Variants in SETBP1 observed in about 807,000 individuals in gnomAD.
SETBP1 encodes the protein SET binding protein 1, also known as SET-binding protein.
A neutral mutation model predicts 101.0 loss-of-function variants in SETBP1; 9 were observed. The ratio of observed to expected loss-of-function variants is 0.09; its 90% confidence interval spans 0.05 to 0.16. The LOEUF (loss-of-function observed/expected upper bound fraction) is 0.16, where lower values mean the gene tolerates loss of function less well. Among genes scored for constraint, SETBP1 ranks in the 10% least tolerant of loss-of-function variants. The pLI, the probability that SETBP1 is intolerant of heterozygous loss-of-function variation, is 1.00. For missense variants in SETBP1, 1,858 were observed against 2,033.8 expected (o/e 0.91, Z 1.66); for synonymous variants, 818 against 788.5 (o/e 1.04, Z -0.63).
chr18:44,738,467 T>G (rs1053427165), intron 2 of SETBP1, among the ~76,000 whole-genome samples: 12 of 152,178 alleles, frequency 7.9e-5, no homozygotes, highest in African/African-American at 2.9e-4. Flanking sequence ...TTCCATAAAT[T>G]TATTTGCAGC....
At chr18:44,846,259 G>T (rs16978202) in intron 2 of SETBP1, among the ~76,000 whole-genome samples, 8,086 of 152,166 alleles carry the variant, frequency 0.053, 707 homozygotes, top group African/African-American at 0.18. Context: ...TGCTCCCATA[G>T]TATCTTTTCT....
intron 5 of SETBP1, among the ~76,000 whole-genome samples, chr18:45,051,495 T>A (rs1401577156): frequency 1.3e-5 from 2 of 152,164 alleles, no homozygotes; most frequent in East Asian, 3.9e-4. Context: ...AGGCTATACA[T>A]GTGCTGGGGC....
intron 4 of SETBP1, among the ~76,000 whole-genome samples, chr18:44,963,595 ATGCTACG>A (rs925881486): frequency 6.6e-6 from 1 of 152,180 alleles, no homozygotes; most frequent in Admixed American, 6.5e-5. Context: ...CATTTTAAAA[ATGCTACG>A]TGCTGACTGG....
At chr18:44,689,774 T>C (rs2068898985) in intron 1 of SETBP1, among the ~76,000 whole-genome samples, 1 of 152,158 alleles carries the variant, frequency 6.6e-6, no homozygotes, top group South Asian at 2.1e-4. Context: ...ATCATCCATT[T>C]GGGAATGTAG....
At chr18:44,694,662 A>AC (rs2068985977) in intron 1 of SETBP1, among the ~76,000 whole-genome samples, 1 of 152,308 alleles carries the variant, frequency 6.6e-6, no homozygotes, top group Admixed American at 6.5e-5. Context: ...TAAGAGGAGT[A>AC]GCTCGAAGAG....
At chr18:44,934,403 C>T (rs1321908177) in intron 3 of SETBP1, among the ~76,000 whole-genome samples, 2 of 152,246 alleles carry the variant, frequency 1.3e-5, no homozygotes, top group Admixed American at 6.5e-5. Context: ...CCCTCCTCGG[C>T]CTCCCGAAGT....
intron 5 of SETBP1, among the ~76,000 whole-genome samples, chr18:45,043,381 TCA>T (rs765515143): frequency 3.4e-5 from 5 of 146,250 alleles, no homozygotes; most frequent in East Asian, 2.0e-4. Flanking sequence ...ACTCACACAC[TCA>T]CACACACACA....
chr18:44,914,415 A>T (rs1322350753), intron 3 of SETBP1, among the ~76,000 whole-genome samples: 3 of 152,226 alleles, frequency 2.0e-5, no homozygotes, highest in Admixed American at 6.6e-5. Context: ...TGCCATGTCA[A>T]CATCAAAGAT....
At chr18:44,744,947 G>A (rs773492841) in intron 2 of SETBP1, among the ~76,000 whole-genome samples, 20 of 152,108 alleles carry the variant, frequency 1.3e-4, no homozygotes, top group Non-Finnish European at 2.4e-4. Context: ...GTGTGGACGT[G>A]GGGCTCCTGA....
chr18:45,040,557 G>A (rs536512994), intron 5 of SETBP1, among the ~76,000 whole-genome samples: 8 of 152,184 alleles, frequency 5.3e-5, no homozygotes, highest in South Asian at 2.1e-4. Flanking sequence ...CACCTTTGCC[G>A]GCCATGCACA....
intron 3 of SETBP1, among the ~76,000 whole-genome samples, chr18:44,898,678 G>A (rs1568206824): frequency 6.6e-6 from 1 of 152,140 alleles, no homozygotes; most frequent in Non-Finnish European, 1.5e-5. Flanking sequence ...AGCAGAGTTT[G>A]GAGCAGAGTA....
intron 2 of SETBP1, among the ~76,000 whole-genome samples, chr18:44,843,680 G>T (rs760340958): frequency 6.6e-6 from 1 of 152,150 alleles, no homozygotes; most frequent in Non-Finnish European, 1.5e-5. Context: ...TCCAGTCAAA[G>T]GGGCCACCCT....
chr18:44,977,601 G>A lies in SETBP1; in HGVS notation c.4000+24261G>A, dbSNP rs571851812. On this transcript the variant is annotated intron_variant, in intron 4 of 5. Coordinates refer to ENST00000649279, the MANE Select transcript of SETBP1 (RefSeq NM_015559.3). Reference sequence around the variant, plus strand: ...GAACATTGACTTTCTAACCTTAATTGTCTTCTGATTTATTAGTAGATCGCT... The same window carrying A: ...GAACATTGACTTTCTAACCTTAATTATCTTCTGATTTATTAGTAGATCGCT... Among the ~76,000 whole-genome samples, 10 of 152,316 alleles carry A rather than the reference G, an allele frequency of 6.6e-5. No individual in the cohort carries two copies. The South Asian group carries it at 1.9e-3, about 28-fold the overall frequency.
intron 4 of SETBP1, among the ~76,000 whole-genome samples, chr18:44,961,088 G>A (rs1163074311): frequency 6.6e-6 from 1 of 152,194 alleles, no homozygotes; most frequent in Non-Finnish European, 1.5e-5. Flanking sequence ...GCTGTGCAGA[G>A]CTAGACCTAG....
chr18:44,999,857 G>A (rs918432584), intron 4 of SETBP1, among the ~76,000 whole-genome samples: 2 of 152,184 alleles, frequency 1.3e-5, no homozygotes, highest in Admixed American at 1.3e-4. Context: ...GTTATGCCCT[G>A]CCACCAGTAG....
chr18:44,708,347 A>G (rs953165938), intron 2 of SETBP1, among the ~76,000 whole-genome samples: 1 of 152,174 alleles, frequency 6.6e-6, no homozygotes, highest in Non-Finnish European at 1.5e-5. Flanking sequence ...TTCCTCCACA[A>G]CACCCTCATC....
chr18:45,032,062 C>A (rs2073308035), intron 4 of SETBP1, among the ~76,000 whole-genome samples: 1 of 152,146 alleles, frequency 6.6e-6, no homozygotes, highest in Admixed American at 6.5e-5. Context: ...GAATTCTACC[C>A]AACTTTTAAT....
At chr18:44,687,289 A>G (rs115578868) in intron 1 of SETBP1, among the ~76,000 whole-genome samples, 138 of 152,338 alleles carry the variant, frequency 9.1e-4, no homozygotes, top group African/African-American at 3.1e-3. Flanking sequence ...CTGTGATTCT[A>G]TAGCTAGAGG....
intron 2 of SETBP1, among the ~76,000 whole-genome samples, chr18:44,721,914 C>A (rs1328552133): frequency 6.6e-6 from 1 of 152,120 alleles, no homozygotes; most frequent in Non-Finnish European, 1.5e-5. Flanking sequence ...CAAAATTGTT[C>A]CTTGTTTGTT....
Sources: allele counts gnomAD v4.1 joint callset (sites outside exome capture counted in the v4.1 genomes callset), GRCh38; gene constraint gnomAD v4.1.1; transcripts MANE v1.5; gene names NCBI Gene and HGNC (gene_info 2026-07-23, HGNC 2026-07-21).